The following IPO11 variants were observed in gnomAD, a reference collection of about 807,000 sequenced individuals.
IPO11 encodes importin 11, also known as importin-11.
Under a neutral mutation model 143.2 loss-of-function variants are expected in IPO11, and 66 were observed. The ratio of observed to expected loss-of-function variants is 0.46; its 90% CI spans 0.38 to 0.57. The LOEUF (loss-of-function observed/expected upper bound fraction) is 0.57, where lower values mean the gene tolerates loss of function less well. Ranked by LOEUF, IPO11 falls within the 20% of genes least tolerant of loss-of-function variation. The probability of loss-of-function intolerance (pLI) is 0.00; values close to 1 mark genes in which losing one functional copy is unlikely to be tolerated. For missense variants in IPO11, 1,026 were observed against 1,141.0 expected (o/e 0.90, Z 1.45); for synonymous variants, 385 against 377.8 (o/e 1.02, Z -0.22).
chr5:62,501,251 A>G (rs1282941881), intron 16 of IPO11, among the ~76,000 whole-genome samples: 1 of 151,912 alleles, frequency 6.6e-6, no homozygotes, highest in East Asian at 1.9e-4. Flanking sequence ...TATCCTTTGT[A>G]TCTCAAAAAC....
At position 62,546,414 on chromosome 5, in the gene IPO11, C is replaced by G. The variant is rs61097632; in HGVS notation, c.2251-3953C>G. 4.4e-3 allele frequency among the ~76,000 whole-genome samples: 671 copies of G among 152,148 alleles called. 7 individuals are homozygous for G. The highest frequency in any genetic ancestry group is 0.016 in the African/African-American group (647 of 41,502). On this transcript the variant is annotated intron_variant, in intron 24 of 29. Transcript: ENST00000325324. ...ATTGAACAATGAGAATACTTGGACA[C>G]AAGAAGGGGAACATCACACACTGGG...
intron 16 of IPO11, among the ~76,000 whole-genome samples, chr5:62,500,089 A>T (rs1002863943): frequency 2.0e-5 from 3 of 152,194 alleles, no homozygotes; most frequent in African/African-American, 7.2e-5. Context: ...ATTCAATACC[A>T]GTTTGGGCAA....
intron 29 of IPO11, among the ~76,000 whole-genome samples, chr5:62,613,680 C>A (rs1411710679): frequency 6.6e-6 from 1 of 152,026 alleles, no homozygotes; most frequent in Non-Finnish European, 1.5e-5. Flanking sequence ...CCCTTTGAAA[C>A]TGGGCAAATT....
chr5:62,514,949 T>C (rs368138600), intron 19 of IPO11, among the ~76,000 whole-genome samples: 1 of 152,210 alleles, frequency 6.6e-6, no homozygotes, highest in African/African-American at 2.4e-5. Context: ...TGTCTGGCTG[T>C]CTGTGTATCC....
chr5:62,491,196 T>G (rs1465878197), intron 15 of IPO11, among the ~76,000 whole-genome samples: 2 of 152,224 alleles, frequency 1.3e-5, no homozygotes, highest in East Asian at 3.8e-4. Flanking sequence ...AATGCATAGG[T>G]CACATTTAGA....
chr5:62,435,952 C>CCGG (rs1744215376), intron 1 of IPO11, among the ~76,000 whole-genome samples: 1 of 152,012 alleles, frequency 6.6e-6, no homozygotes, highest in African/African-American at 2.4e-5. Flanking sequence ...TCGCTTGAAC[C>CCGG]CGGGAGGTGG....
intron 1 of IPO11, among the ~76,000 whole-genome samples, chr5:62,415,134 T>A (rs1344611048): frequency 6.6e-6 from 1 of 152,216 alleles, no homozygotes; most frequent in Non-Finnish European, 1.5e-5. Context: ...TAACTGCTCC[T>A]GTTTATCATG....
intron 29 of IPO11, among the ~76,000 whole-genome samples, chr5:62,620,896 G>GTGGGTGGC (rs1392845451): frequency 2.6e-5 from 4 of 152,210 alleles, no homozygotes; most frequent in African/African-American, 9.6e-5. Flanking sequence ...CAAACGGATG[G>GTGGGTGGC]TGGGTGGCGG....
intron 15 of IPO11, among the ~76,000 whole-genome samples, chr5:62,493,260 A>G (rs1462281982): frequency 6.6e-6 from 1 of 152,182 alleles, no homozygotes; most frequent in Non-Finnish European, 1.5e-5. Context: ...TGTTCTGAAA[A>G]TAATCTTCAT....
intron 24 of IPO11, among the ~76,000 whole-genome samples, chr5:62,545,876 T>C (rs1303002250): frequency 3.9e-5 from 6 of 152,042 alleles, no homozygotes; most frequent in Non-Finnish European, 7.4e-5. Context: ...ATCAGAGAAA[T>C]GCAAATTAAA....
chr5:62,504,625 C>T (rs1446065161), intron 16 of IPO11, 42 bp from the exon 17 acceptor site: 1 of 1,178,430 alleles, frequency 8.5e-7, no homozygotes, highest in South Asian at 1.4e-5. Flanking sequence ...GATGTTTAGT[C>T]ATTCTAAAAT....
At chr5:62,583,842 T>A (rs990886418) in intron 27 of IPO11, among the ~76,000 whole-genome samples, 2 of 152,194 alleles carry the variant, frequency 1.3e-5, no homozygotes, top group Non-Finnish European at 2.9e-5. Context: ...TTAATATAGC[T>A]AAGGAAGCTC....
At position 62,503,875 on chromosome 5, in the gene IPO11, A is replaced by G. The variant is rs533421887; in HGVS notation, c.1591-792A>G. On this transcript the variant is annotated intron_variant, in intron 16 of 29. Coordinates refer to ENST00000325324, the MANE Select transcript of IPO11 (RefSeq NM_016338.5). ...GACTGGAAAGAAAATAACAGTTGCT[A>G]TAGTGTAACATCTAAGAAAGTAATG... is the stretch of plus-strand genomic sequence containing the variant. Among the ~76,000 whole-genome samples, 21 of 152,334 alleles carry G rather than the reference A, an allele frequency of 1.4e-4. No individual in the cohort carries two copies. The South Asian group carries it at 4.3e-3, about 32-fold the overall frequency.
intron 5 of IPO11, among the ~76,000 whole-genome samples, chr5:62,457,949 C>A (rs1267599732): frequency 6.6e-6 from 1 of 152,034 alleles, no homozygotes; most frequent in Non-Finnish European, 1.5e-5. Flanking sequence ...GAGATCGAGA[C>A]CATCCTGGCT....
At chr5:62,589,575 C>T (rs1744935436) in intron 27 of IPO11, among the ~76,000 whole-genome samples, 1 of 152,132 alleles carries the variant, frequency 6.6e-6, no homozygotes, top group African/African-American at 2.4e-5. Flanking sequence ...CTCTTTATTC[C>T]CATGTCCACC....
At chr5:62,447,105 A>AT (rs1282659093) in intron 3 of IPO11, among the ~76,000 whole-genome samples, 95 of 149,394 alleles carry the variant, frequency 6.4e-4, no homozygotes, top group African/African-American at 2.4e-3. Context: ...ATAATTATAT[A>AT]TATATATTTT....
At chr5:62,567,716 C>T (rs565787778) in intron 27 of IPO11, among the ~76,000 whole-genome samples, 3 of 151,758 alleles carry the variant, frequency 2.0e-5, no homozygotes, top group South Asian at 2.1e-4. Flanking sequence ...GGATGCACCA[C>T]CACACCCAGC....
chr5:62,480,975 G>C (rs1416599352), intron 9 of IPO11, among the ~76,000 whole-genome samples: 1 of 140,784 alleles, frequency 7.1e-6, no homozygotes, highest in East Asian at 2.1e-4. Context: ...GAGTGCAGTG[G>C]CGTGATCTTG....
At chr5:62,595,064 C>G (rs776375295) in intron 28 of IPO11, among the ~76,000 whole-genome samples, 3 of 152,164 alleles carry the variant, frequency 2.0e-5, no homozygotes, top group Non-Finnish European at 4.4e-5. Flanking sequence ...TGCGTGGTCT[C>G]AGACCAGTGG....
Sources: gnomAD v4.1 joint callset for allele counts (sites outside exome capture counted in the v4.1 genomes callset) on GRCh38, gnomAD v4.1.1 for gene constraint, MANE v1.5 for transcripts, NCBI Gene and HGNC (gene_info 2026-07-23, HGNC 2026-07-21) for gene names.